The following CAMTA1 variants were observed in gnomAD, a reference collection of about 807,000 sequenced individuals.
The protein encoded by CAMTA1 is calmodulin binding transcription activator 1, also known as calmodulin-binding transcription activator 1.
In CAMTA1, 27 loss-of-function variants were observed where a neutral mutation model predicts 170.9. The ratio of observed to expected loss-of-function variants is 0.16; its 90% CI spans 0.12 to 0.22. The LOEUF (loss-of-function observed/expected upper bound fraction) is 0.22, where lower values mean the gene tolerates loss of function less well. CAMTA1 is among the 10% of genes least tolerant of loss of function. The pLI is 1.00. For synonymous variants in CAMTA1, 833 were observed against 891.5 expected (o/e 0.93, Z 1.17); for missense variants, 1,619 against 2,217.2 (o/e 0.73, Z 5.42).
intron 5 of CAMTA1, among the ~76,000 whole-genome samples, chr1:7,347,207 A>G (rs2084287307): frequency 6.6e-6 from 1 of 152,228 alleles, no homozygotes; most frequent in Admixed American, 6.5e-5. Context: ...CTTTGGGCAC[A>G]CATCACTGGC....
intron 11 of CAMTA1, among the ~76,000 whole-genome samples, chr1:7,712,600 A>G (rs114516601): frequency 0.024 from 3,674 of 152,310 alleles, 132 homozygotes; most frequent in African/African-American, 0.082. Flanking sequence ...ATTACATGCC[A>G]GAGCCACCAC....
intron 5 of CAMTA1, among the ~76,000 whole-genome samples, chr1:7,413,968 G>C (rs548794998): frequency 1.6e-4 from 24 of 152,134 alleles, no homozygotes; most frequent in South Asian, 1.2e-3. Flanking sequence ...TAGCATGAAG[G>C]GTTGTTGAAT....
chr1:7,526,238 C>G (rs1410945458), intron 6 of CAMTA1, among the ~76,000 whole-genome samples: 4 of 151,994 alleles, frequency 2.6e-5, no homozygotes, highest in South Asian at 2.1e-4. Flanking sequence ...ATGGCACTTT[C>G]CCACCCCAGG....
At chr1:7,716,323 G>A (rs1380011786) in intron 11 of CAMTA1, among the ~76,000 whole-genome samples, 1 of 152,148 alleles carries the variant, frequency 6.6e-6, no homozygotes, top group Non-Finnish European at 1.5e-5. Flanking sequence ...GAGACACTGT[G>A]CCCAGCTAAT....
chr1:7,546,445 A>C (rs754833757), intron 6 of CAMTA1, among the ~76,000 whole-genome samples: 3 of 152,168 alleles, frequency 2.0e-5, no homozygotes, highest in Non-Finnish European at 4.4e-5. Flanking sequence ...GCTATTGTGA[A>C]TAGTGCTGCA....
chr1:7,747,235 A>G (rs971088858), intron 18 of CAMTA1, among the ~76,000 whole-genome samples: 1 of 152,214 alleles, frequency 6.6e-6, no homozygotes, highest in East Asian at 1.9e-4. Flanking sequence ...GGCTGACTCC[A>G]GGCAGCCCCT....
intron 6 of CAMTA1, among the ~76,000 whole-genome samples, chr1:7,475,124 T>C (rs1366707595): frequency 6.6e-6 from 1 of 152,258 alleles, no homozygotes; most frequent in Non-Finnish European, 1.5e-5. Flanking sequence ...TTCTTTTTCT[T>C]TCTTCTTTTT....
intron 11 of CAMTA1, among the ~76,000 whole-genome samples, chr1:7,730,167 AG>A (rs1320815421): frequency 6.6e-6 from 1 of 152,176 alleles, no homozygotes; most frequent in Non-Finnish European, 1.5e-5. Flanking sequence ...TCCCCATTTA[AG>A]GGTTGAGGAA....
intron 3 of CAMTA1, among the ~76,000 whole-genome samples, chr1:6,872,542 A>G (rs1286078118): frequency 6.6e-6 from 1 of 152,210 alleles, no homozygotes; most frequent in Non-Finnish European, 1.5e-5. Flanking sequence ...CATGACCAAA[A>G]AATGTACTTT....
At chr1:6,983,962 A>G in intron 3 of CAMTA1, among the ~76,000 whole-genome samples, 1 of 134,442 alleles carries the variant, frequency 7.4e-6, no homozygotes, top group Admixed American at 7.6e-5. Flanking sequence ...TTGGGGGTGG[A>G]TAAATGGTTG....
chr1:6,932,284 C>A (rs1220580007), intron 3 of CAMTA1, among the ~76,000 whole-genome samples: 2 of 152,062 alleles, frequency 1.3e-5, no homozygotes, highest in African/African-American at 4.8e-5. Flanking sequence ...AGCATGTTGT[C>A]TTTTTTTGGG....
At chr1:6,897,015 GGA>G (rs1476954533) in intron 3 of CAMTA1, among the ~76,000 whole-genome samples, 1 of 152,154 alleles carries the variant, frequency 6.6e-6, no homozygotes, top group Non-Finnish European at 1.5e-5. Flanking sequence ...ATAAAGCCAT[GGA>G]GCTGGAGGAT....
At chr1:6,888,104 C>A in intron 3 of CAMTA1, 1 of 987,062 alleles carries the variant, frequency 1.0e-6, no homozygotes, top group African/African-American at 1.7e-5. Flanking sequence ...AGAATGGAAG[C>A]TCCATGAGAG....
intron 11 of CAMTA1, among the ~76,000 whole-genome samples, chr1:7,726,020 G>A: frequency 6.6e-6 from 1 of 152,224 alleles, no homozygotes. Flanking sequence ...CGCACGGAGA[G>A]TCTGCCACTG....
At chr1:7,487,186 C>T (rs2093630023) in intron 6 of CAMTA1, among the ~76,000 whole-genome samples, 1 of 152,182 alleles carries the variant, frequency 6.6e-6, no homozygotes, top group African/African-American at 2.4e-5. Context: ...GTAGCAAGTG[C>T]ATGAAGGCCC....
At chr1:7,276,376 G>A (rs7543047) in intron 5 of CAMTA1, among the ~76,000 whole-genome samples, 33,214 of 141,894 alleles carry the variant, frequency 0.23, 4,356 homozygotes, top group Admixed American at 0.33. Flanking sequence ...ATGGTGTGAC[G>A]TCGCCTCACT....
intron 5 of CAMTA1, among the ~76,000 whole-genome samples, chr1:7,373,590 A>G (rs1468470071): frequency 2.0e-5 from 3 of 152,236 alleles, no homozygotes; most frequent in Non-Finnish European, 4.4e-5. Context: ...CCAAGAGACA[A>G]CAGGAAACCC....
intron 3 of CAMTA1, among the ~76,000 whole-genome samples, chr1:6,943,840 C>G (rs1170877814): frequency 1.9e-5 from 2 of 107,900 alleles, no homozygotes; most frequent in African/African-American, 7.3e-5. Flanking sequence ...GAAGGAGACT[C>G]TGTCTCAAAA....
chr1:6,911,291 A>C (rs1162074210), intron 3 of CAMTA1, among the ~76,000 whole-genome samples: 1 of 152,190 alleles, frequency 6.6e-6, no homozygotes, highest in Non-Finnish European at 1.5e-5. Flanking sequence ...GGCCACCTGC[A>C]TGAAGAAGCC....
Sources: allele counts gnomAD v4.1 joint callset (sites outside exome capture counted in the v4.1 genomes callset), GRCh38; gene constraint gnomAD v4.1.1; transcripts MANE v1.5; gene names NCBI Gene and HGNC (gene_info 2026-07-23, HGNC 2026-07-21).